Variants in GUCY1B1 observed in about 807,000 individuals in gnomAD.
The protein encoded by GUCY1B1 is guanylate cyclase soluble subunit beta-1.
Under a neutral mutation model 71.0 loss-of-function variants are expected in GUCY1B1, and 43 were observed. The ratio of observed to expected loss-of-function variants is 0.61; its 90% CI spans 0.47 to 0.78. The LOEUF is 0.78. Ranked by LOEUF, GUCY1B1 falls within the 30% of genes least tolerant of loss-of-function variation. The pLI, the probability that GUCY1B1 is intolerant of heterozygous loss-of-function variation, is 0.00. For synonymous variants in GUCY1B1, 266 were observed against 259.7 expected (o/e 1.02, Z -0.23); for missense variants, 535 against 754.1 (o/e 0.71, Z 3.40).
At chr4:155,774,291 C>T (rs1301415295) in intron 2 of GUCY1B1, among the ~76,000 whole-genome samples, 2 of 152,142 alleles carry the variant, frequency 1.3e-5, no homozygotes, top group African/African-American at 4.8e-5. Context: ...TCCTCTGACA[C>T]CCCAGGCATG....
At chr4:155,791,818 G>A (rs1054801658) in intron 5 of GUCY1B1, among the ~76,000 whole-genome samples, 1 of 149,838 alleles carries the variant, frequency 6.7e-6, no homozygotes, top group African/African-American at 2.5e-5. Context: ...GAACGTATAT[G>A]CATATTGTAT....
chr4:155,790,297 T>C (rs1249425606), intron 5 of GUCY1B1, among the ~76,000 whole-genome samples: 1 of 152,246 alleles, frequency 6.6e-6, no homozygotes, highest in Non-Finnish European at 1.5e-5. Flanking sequence ...TATTATTTTA[T>C]AGATCATTTT....
intron 2 of GUCY1B1, among the ~76,000 whole-genome samples, chr4:155,766,324 A>G (rs1737330866): frequency 6.6e-6 from 1 of 152,164 alleles, no homozygotes; most frequent in African/African-American, 2.4e-5. Flanking sequence ...AATAAAAGTT[A>G]TATATATTTA....
intron 4 of GUCY1B1, 68 bp downstream of exon 4, chr4:155,777,710 A>G: frequency 1.3e-6 from 1 of 780,854 alleles, no homozygotes; most frequent in Non-Finnish European, 2.3e-6. Context: ...ACTCTAGAAT[A>G]CTTTTGTTCA....
Position 155,806,481 on chromosome 4 carries a change from A to G in GUCY1B1, c.*72A>G, listed in dbSNP as rs1740324889. ...TCTCCTAACACGTGCCAAGCCCAGG[A>G]GCAGTTCTTCCCTATGGATACAGAT... On this transcript the variant is annotated 3_prime_UTR_variant, in exon 14 of 14. Coordinates refer to ENST00000264424, the MANE Select transcript of GUCY1B1 (RefSeq NM_000857.5). 4.9e-6 allele frequency: 5 copies of G among 1,015,412 alleles called. No individual in the cohort carries two copies. In the East Asian group the frequency reaches 1.2e-4, roughly 24 times the overall value. 62.9% of individuals were successfully genotyped at this position (1,015,412 alleles called of 1,614,324 possible). A position where few individuals can be genotyped will look rare whatever the true frequency, so the allele number is the denominator to read the frequency against.
intron 2 of GUCY1B1, among the ~76,000 whole-genome samples, chr4:155,765,442 G>A (rs989442019): frequency 6.6e-6 from 1 of 152,052 alleles, no homozygotes; most frequent in African/African-American, 2.4e-5. Context: ...AAGAGGAAAT[G>A]GTGGGAGAAA....
intron 2 of GUCY1B1, chr4:155,772,800 T>G (rs1258310770): frequency 4.3e-6 from 3 of 702,434 alleles, no homozygotes; most frequent in Non-Finnish European, 7.8e-6. Flanking sequence ...GGCTCTGAAA[T>G]GCAGATCTCT....
chr4:155,802,128 C>A lies in GUCY1B1; in HGVS notation c.1176-214C>A. Reference sequence around the variant, plus strand: ...TGAACTAGTTTGGGCTTGCGGATGTCTTATGTGATTAGGATGAACAAATAA... The same window carrying A: ...TGAACTAGTTTGGGCTTGCGGATGTATTATGTGATTAGGATGAACAAATAA... On this transcript the variant is annotated intron_variant, in intron 9 of 13. Coordinates refer to ENST00000264424, the MANE Select transcript of GUCY1B1 (RefSeq NM_000857.5). This position sits in a 1 kb window ranked among gnomAD's most constrained non-coding sequence, Gnocchi z 4.3. 1.3e-5 allele frequency: 15 copies of A among 1,124,204 alleles called. No homozygotes were observed. The highest frequency in any genetic ancestry group is 1.6e-5 in the Non-Finnish European group (13 of 816,172). The allele number at this position is 1,124,204 out of a possible 1,614,324, so 69.6% of individuals were successfully genotyped here.
At chr4:155,798,005 G>A (rs1739683215) in intron 8 of GUCY1B1, among the ~76,000 whole-genome samples, 1 of 151,986 alleles carries the variant, frequency 6.6e-6, no homozygotes. Flanking sequence ...CTCTTCACAG[G>A]TTGAGCTTAG....
At position 155,793,912 on chromosome 4, in the gene GUCY1B1, A is replaced by C. The variant is rs777958893; in HGVS notation, c.552A>C (p.Lys184Asn). 3 of 1,589,260 alleles carry C rather than the reference A, an allele frequency of 1.9e-6. No individual in the cohort carries two copies. The highest frequency in any genetic ancestry group is 2.2e-5 in the South Asian group (2 of 90,580). The stretch of plus-strand genomic sequence containing the variant: ...ATACTCAATTTTTAATTGAAGAAAA[A>C]GAGTCAAAAGAAGAGGATTTTTATG... ...CDHTQFLIEE[K>N]ESKEEDFYED... The change falls in exon 6 of 14, where the codon AAA (lysine) becomes AAC (asparagine). Residue 184 changes from lysine to asparagine, a missense_variant. Coordinates refer to ENST00000264424, the MANE Select transcript of GUCY1B1 (RefSeq NM_000857.5).
intron 10 of GUCY1B1, among the ~76,000 whole-genome samples, chr4:155,803,413 A>G (rs546568627): frequency 5.3e-5 from 8 of 152,334 alleles, no homozygotes; most frequent in South Asian, 2.1e-4. Context: ...CCGTCATCAA[A>G]GACCCCAAGT....
intron 8 of GUCY1B1, among the ~76,000 whole-genome samples, chr4:155,797,662 T>C (rs1232481056): frequency 1.3e-5 from 2 of 151,028 alleles, no homozygotes; most frequent in African/African-American, 4.9e-5. Context: ...CGCTTGAACC[T>C]GGGAGGCAGA....
chr4:155,784,006 A>G (rs1409447486), intron 4 of GUCY1B1, among the ~76,000 whole-genome samples: 1 of 152,172 alleles, frequency 6.6e-6, no homozygotes, highest in East Asian at 1.9e-4. Flanking sequence ...ATTTTTCAAA[A>G]TATTGATTAA....
chr4:155,795,415 G>C lies in GUCY1B1; in HGVS notation c.801G>C (p.Gly267=). 1 of 1,600,660 alleles carries C rather than the reference G, an allele frequency of 6.2e-7. No individual in the cohort carries two copies. Among genetic ancestry groups the C allele is most frequent in the South Asian group, 1.1e-5 (1 of 90,672 alleles). ...VRPHIDISFH[G]ILSHINTVFV... ...CTCATATTGATATTAGTTTCCATGG[G>C]ATCCTTTCTCACATCAATACTGTTT... The change falls in exon 7 of 14, where the codon GGG becomes GGC. Residue 267 remains glycine, a synonymous_variant. Transcript: ENST00000264424.
chr4:155,800,207 A>G (rs1256288089), intron 9 of GUCY1B1, 133 bp downstream of exon 9: 2 of 508,176 alleles, frequency 3.9e-6, no homozygotes, highest in Non-Finnish European at 6.8e-6. Flanking sequence ...AATCTTTCAC[A>G]TTGCTTTTAA....
At chr4:155,784,796 A>G (rs1174042475) in intron 4 of GUCY1B1, among the ~76,000 whole-genome samples, 2 of 152,198 alleles carry the variant, frequency 1.3e-5, no homozygotes, top group African/African-American at 4.8e-5. Context: ...TCCTTGAAAC[A>G]GGAAAATCAG....
chr4:155,770,373 G>T (rs1737618088), intron 2 of GUCY1B1, among the ~76,000 whole-genome samples: 1 of 152,118 alleles, frequency 6.6e-6, no homozygotes, highest in Non-Finnish European at 1.5e-5. Context: ...TCACATCTCT[G>T]TGCTTTCTGG....
At chr4:155,760,129 G>C (rs1486178855) in intron 2 of GUCY1B1, among the ~76,000 whole-genome samples, 1 of 152,166 alleles carries the variant, frequency 6.6e-6, no homozygotes, top group Admixed American at 6.5e-5. Flanking sequence ...CCCGGCCTGA[G>C]CGTGGGAACG....
At chr4:155,767,435 G>A (rs928676366) in intron 2 of GUCY1B1, among the ~76,000 whole-genome samples, 1 of 152,046 alleles carries the variant, frequency 6.6e-6, no homozygotes, top group Non-Finnish European at 1.5e-5. Context: ...TTACCATTAA[G>A]GGTCTCTTGT....
Sources: allele counts gnomAD v4.1 joint callset (sites outside exome capture counted in the v4.1 genomes callset), GRCh38; gene constraint gnomAD v4.1.1; non-coding constraint Gnocchi (gnomAD v3.1); transcripts MANE v1.5; gene names NCBI Gene and HGNC (gene_info 2026-07-23, HGNC 2026-07-21).